Variants in ARMH1 observed in about 807,000 individuals in gnomAD.
ARMH1 encodes armadillo-like helical domain containing protein 1.
In ARMH1, 34 loss-of-function variants were observed where a neutral mutation model predicts 50.2. The observed-to-expected ratio is 0.68, with a 90% confidence interval of 0.51 to 0.90. The LOEUF is 0.90. ARMH1 is among the 40% of genes least tolerant of loss of function. The pLI, the probability that ARMH1 is intolerant of heterozygous loss-of-function variation, is 0.00. For missense variants in ARMH1, 538 were observed against 553.9 expected (o/e 0.97, Z 0.29); for synonymous variants, 221 against 224.2 (o/e 0.99, Z 0.13).
Position 44,724,695 on chromosome 1 carries a change from G to C in ARMH1, c.1050+27G>C. On this transcript the variant is annotated intron_variant, in intron 9 of 11. Coordinates refer to ENST00000535358, the MANE Select transcript of ARMH1 (RefSeq NM_001145636.2). The surrounding 1 kb of genome is among the most constrained non-coding windows in gnomAD (Gnocchi z 6.4). ...TGCGCGCGGCGGCTGGTTAGGGGGC[G>C]GGAAGGGCGGCGGCACCCGCAGCCC... The C allele has an allele frequency of 2.0e-6, 3 of 1,480,652 alleles. No individual in the cohort carries two copies. Among genetic ancestry groups the C allele is most frequent in the Non-Finnish European group, 2.7e-6 (3 of 1,123,002 alleles). The allele number at this position is 1,480,652 out of a possible 1,614,324, so 91.7% of individuals were successfully genotyped here.
At position 44,697,090 on chromosome 1, in the gene ARMH1, C is replaced by T. The variant is rs1456265275; in HGVS notation, c.207-12C>T. On this transcript the variant is annotated splice_polypyrimidine_tract_variant and intron_variant, in intron 2 of 11. Coordinates refer to ENST00000535358, the MANE Select transcript of ARMH1 (RefSeq NM_001145636.2). ...AACCACCCTGAAACTCACTCTTTAA[C>T]GTGTCATACAGCTATATGACTGACT... is the stretch of plus-strand genomic sequence containing the variant. The T allele has an allele frequency of 9.7e-6, 15 of 1,546,142 alleles. No homozygotes were observed. The highest frequency in any genetic ancestry group is 2.7e-5 in the African/African-American group (2 of 72,906).
At position 44,681,441 on chromosome 1, in the gene ARMH1, C is replaced by T. The variant is rs1182630704; in HGVS notation, c.-23+6568C>T. On this transcript the variant is annotated intron_variant, in intron 1 of 11. Transcript: ENST00000535358. This position sits in a 1 kb window ranked among gnomAD's most constrained non-coding sequence, Gnocchi z 4.3. ...CATTGAGCTATGACGGTGCTGTGCA[C>T]TCCAGCCTGAGTGACAAGAGTGAGC... Among the ~76,000 whole-genome samples the T allele has an allele frequency of 7.2e-5, 11 of 152,138 alleles. No homozygotes were observed. Among genetic ancestry groups the T allele is most frequent in the Admixed American group, 7.2e-4 (11 of 15,278 alleles).
At position 44,681,819 on chromosome 1, in the gene ARMH1, G is replaced by A. The variant is rs1645322364; in HGVS notation, c.-23+6946G>A. ...TTGGAATTGTAGACTTCATAGGTGGGATGGTGCTAGCCAGTCACAGATTTG... is the reference window on the plus strand; with the variant it reads ...TTGGAATTGTAGACTTCATAGGTGGAATGGTGCTAGCCAGTCACAGATTTG... On this transcript the variant is annotated intron_variant, in intron 1 of 11. Transcript: ENST00000535358. The surrounding 1 kb of genome is among the most constrained non-coding windows in gnomAD (Gnocchi z 4.3). 1.3e-5 allele frequency among the ~76,000 whole-genome samples: 2 copies of A among 152,196 alleles called. No homozygotes were observed. Among genetic ancestry groups the A allele is most frequent in the Admixed American group, 1.3e-4 (2 of 15,284 alleles).
intron 4 of ARMH1, among the ~76,000 whole-genome samples, chr1:44,700,214 T>C (rs572794479): frequency 1.3e-5 from 2 of 152,370 alleles, no homozygotes; most frequent in South Asian, 4.1e-4. Context: ...TCTCGAAGCC[T>C]CAGTGTCTTC....
intron 4 of ARMH1, among the ~76,000 whole-genome samples, chr1:44,699,071 A>G (rs964252052): frequency 4.6e-5 from 7 of 152,040 alleles, no homozygotes; most frequent in Middle Eastern, 3.2e-3. Flanking sequence ...TCACGAGGTC[A>G]GGAGATCAAG....
chr1:44,699,832 A>AT (rs771770605), intron 4 of ARMH1, among the ~76,000 whole-genome samples: 5,184 of 121,580 alleles, frequency 0.043, 156 homozygotes, highest in Admixed American at 0.091. Flanking sequence ...TTCTTTTTCT[A>AT]TTTTTTTTTT....
chr1:44,699,799 C>T (rs1335094839), intron 4 of ARMH1, among the ~76,000 whole-genome samples: 2 of 151,502 alleles, frequency 1.3e-5, no homozygotes, highest in Non-Finnish European at 2.9e-5. Flanking sequence ...GAGATGCCAT[C>T]CCCCACATCT....
intron 5 of ARMH1, among the ~76,000 whole-genome samples, chr1:44,701,412 C>T (rs1323180133): frequency 2.6e-5 from 4 of 151,658 alleles, no homozygotes; most frequent in African/African-American, 7.3e-5. Context: ...TTAAAGGAGT[C>T]GATTTGATAG....
chr1:44,704,639 G>A (rs955153377), intron 6 of ARMH1, among the ~76,000 whole-genome samples: 1 of 151,472 alleles, frequency 6.6e-6, no homozygotes, highest in African/African-American at 2.4e-5. Flanking sequence ...AACCTCCCAA[G>A]TAGCTAGGAC....
chr1:44,694,021 C>G (rs1645744693), intron 2 of ARMH1, among the ~76,000 whole-genome samples: 1 of 152,156 alleles, frequency 6.6e-6, no homozygotes, highest in Non-Finnish European at 1.5e-5. Flanking sequence ...GCATTCTGTG[C>G]TTTTTTACTT....
chr1:44,715,691 C>T (rs184561253), intron 6 of ARMH1, among the ~76,000 whole-genome samples: 126 of 152,264 alleles, frequency 8.3e-4, no homozygotes, highest in Admixed American at 3.4e-3. Context: ...TCCTGAGTAG[C>T]TGGGATTACA....
intron 3 of ARMH1, among the ~76,000 whole-genome samples, 184 bp downstream of exon 3, chr1:44,697,354 C>G (rs531381279): frequency 1.1e-4 from 17 of 152,198 alleles, no homozygotes; most frequent in Middle Eastern, 3.4e-3. Flanking sequence ...ATCCCTTTCT[C>G]TCCAGTGGCG....
chr1:44,713,095 GC>G (rs1442690030), intron 6 of ARMH1, among the ~76,000 whole-genome samples: 1 of 143,696 alleles, frequency 7.0e-6, no homozygotes, highest in Non-Finnish European at 1.5e-5. Context: ...ACTGCGCCCG[GC>G]CTTTTTTTTT....
intron 6 of ARMH1, among the ~76,000 whole-genome samples, chr1:44,718,191 G>A (rs1200306901): frequency 6.6e-6 from 1 of 152,186 alleles, no homozygotes; most frequent in Admixed American, 6.5e-5. Flanking sequence ...TGTCCACCAA[G>A]TCATGTCTTG....
Position 44,700,933 on chromosome 1 carries a change from C to T in ARMH1, c.453C>T (p.Ser151=). The T allele has an allele frequency of 3.9e-6, 6 of 1,550,380 alleles. No individual in the cohort carries two copies. Among genetic ancestry groups the T allele is most frequent in the Non-Finnish European group, 5.2e-6 (6 of 1,146,486 alleles). Residue 151 remains serine (S), a synonymous_variant, in exon 5 of 12, where the codon TCC becomes TCT. Coordinates refer to ENST00000535358, the MANE Select transcript of ARMH1 (RefSeq NM_001145636.2). ...ELICESYGVR[S]IAEFLAKSKS... ...CTCTTCTTTGCTCAGGTGTACGATC[C>T]ATAGCAGAATTTTTGGCAAAGTCTA...
Position 44,724,153 on chromosome 1 carries a change from C to A in ARMH1, c.756C>A (p.Tyr252Ter). Residue 252 changes from tyrosine to a stop codon, truncating the protein, a stop_gained, in exon 7 of 12, where the codon TAC becomes TAA. Coordinates refer to ENST00000535358, the MANE Select transcript of ARMH1 (RefSeq NM_001145636.2). LOFTEE classifies it high-confidence loss of function. This position sits in a 1 kb window ranked among gnomAD's most constrained non-coding sequence, Gnocchi z 6.4. ...AIELIKDLVG[Y>*]DVRQALLKGL... ...AGTTGATCAAAGACCTGGTCGGTTA[C>A]GATGTGCGCCAGGCGCTGCTCAAGG... 1.3e-6 allele frequency: 2 copies of A among 1,551,724 alleles called. No individual in the cohort carries two copies. Among genetic ancestry groups the A allele is most frequent in the Non-Finnish European group, 1.7e-6 (2 of 1,146,984 alleles).
intron 1 of ARMH1, among the ~76,000 whole-genome samples, chr1:44,680,377 A>G (rs1256465945): frequency 5.9e-5 from 9 of 152,170 alleles, no homozygotes; most frequent in Non-Finnish European, 1.0e-4. Flanking sequence ...GGATTTCACT[A>G]TGTTGGCCAG....
chr1:44,725,085 G>A, intron 10 of ARMH1, 51 bp from the exon 11 acceptor site: 1 of 1,550,582 alleles, frequency 6.4e-7, no homozygotes, highest in Non-Finnish European at 8.7e-7. Flanking sequence ...CCAACTCCAA[G>A]TCCAGACTGC....
At chr1:44,704,489 G>A (rs72671992) in intron 6 of ARMH1, among the ~76,000 whole-genome samples, 8,184 of 150,218 alleles carry the variant, frequency 0.054, 307 homozygotes, top group Non-Finnish European at 0.085. Context: ...CTGAATAGTC[G>A]TAGTATTTGG....
Sources: allele counts gnomAD v4.1 joint callset (sites outside exome capture counted in the v4.1 genomes callset), GRCh38; gene constraint gnomAD v4.1.1; non-coding constraint Gnocchi (gnomAD v3.1); transcripts MANE v1.5; gene names NCBI Gene and HGNC (gene_info 2026-07-23, HGNC 2026-07-21).